The following SHISA9 variants were observed in gnomAD, a reference collection of about 807,000 sequenced individuals.
SHISA9 encodes shisa family member 9, also known as protein shisa-9.
Under a neutral mutation model 38.0 loss-of-function variants are expected in SHISA9, and 13 were observed. The ratio of observed to expected loss-of-function variants is 0.34; its 90% CI spans 0.22 to 0.54. SHISA9 has a LOEUF of 0.54. Ranked by LOEUF, SHISA9 falls within the 20% of genes least tolerant of loss-of-function variation. The pLI is 0.91. For missense variants in SHISA9, 538 were observed against 575.8 expected, an observed-to-expected ratio of 0.93 and a Z score of 0.67; for synonymous variants, 275 against 242.0, an observed-to-expected ratio of 1.14 and a Z score of -1.27.
chr16:13,336,214 C>G, the SHISA9 span, among the ~76,000 whole-genome samples: 16 of 152,252 alleles, frequency 1.1e-4, no homozygotes, highest in African/African-American at 2.9e-4. Flanking sequence ...TTCTCCAATT[C>G]AAAAGTGAAG....
At chr16:12,923,220 A>G (rs1035773164) in intron 2 of SHISA9, among the ~76,000 whole-genome samples, 2 of 152,200 alleles carry the variant, frequency 1.3e-5, no homozygotes, top group African/African-American at 4.8e-5. Flanking sequence ...TGCTTCAAAC[A>G]TACTCCATAT....
At chr16:13,185,761 G>A (rs1266022750) in intron 2 of SHISA9, among the ~76,000 whole-genome samples, 2 of 152,102 alleles carry the variant, frequency 1.3e-5, no homozygotes, top group African/African-American at 2.4e-5. Flanking sequence ...GACACATGGT[G>A]ATTATTTGAT....
intron 2 of SHISA9, among the ~76,000 whole-genome samples, chr16:13,039,496 T>G (rs866406000): frequency 0.033 from 4,933 of 151,436 alleles, 249 homozygotes; most frequent in African/African-American, 0.11. Context: ...TTTTTTTTTT[T>G]TTTTTTTTTG....
intron 2 of SHISA9, among the ~76,000 whole-genome samples, chr16:12,979,379 C>T (rs764256195): frequency 4.4e-4 from 67 of 151,678 alleles, no homozygotes; most frequent in Non-Finnish European, 7.4e-4. Flanking sequence ...TCCCATCGTT[C>T]CATGCAGGAC....
the SHISA9 span, among the ~76,000 whole-genome samples, chr16:13,401,259 A>T: frequency 6.6e-6 from 1 of 152,190 alleles, no homozygotes; most frequent in Non-Finnish European, 1.5e-5. Context: ...ATTTTTACAG[A>T]TGAGAAAGCC....
At chr16:12,953,844 C>A (rs541943987) in intron 2 of SHISA9, among the ~76,000 whole-genome samples, 1 of 152,290 alleles carries the variant, frequency 6.6e-6, no homozygotes, top group South Asian at 2.1e-4. Flanking sequence ...GGGAAACAAG[C>A]AGCTTCTTCA....
Position 13,049,912 on chromosome 16 carries a change from T to G in SHISA9, c.691+133097T>G, listed in dbSNP as rs934110503. ...ACCCCACTCCTGGTACTTTTCCGTT[T>G]GTTTTGTCATTTGCCCCATATTTGT... is the stretch of plus-strand genomic sequence containing the variant. On this transcript the variant is annotated intron_variant, in intron 2 of 4. Coordinates refer to ENST00000558583, the MANE Select transcript of SHISA9 (RefSeq NM_001145204.3). 3.9e-5 allele frequency among the ~76,000 whole-genome samples: 6 copies of G among 152,256 alleles called. No individual in the cohort carries two copies. The South Asian group carries it at 6.2e-4, about 16-fold the overall frequency.
At chr16:13,069,459 A>G (rs1322358743) in intron 2 of SHISA9, among the ~76,000 whole-genome samples, 1 of 140,724 alleles carries the variant, frequency 7.1e-6, no homozygotes, top group Non-Finnish European at 1.5e-5. Context: ...CACACAAAGT[A>G]TGCATGTGTA....
the SHISA9 span, among the ~76,000 whole-genome samples, chr16:13,326,800 G>A: frequency 1.8e-4 from 27 of 152,272 alleles, no homozygotes; most frequent in African/African-American, 6.3e-4. Flanking sequence ...CTGTCCCTAT[G>A]TATTCTGGTG....
At chr16:13,290,056 T>C in the SHISA9 span, among the ~76,000 whole-genome samples, 1 of 152,182 alleles carries the variant, frequency 6.6e-6, no homozygotes, top group Non-Finnish European at 1.5e-5. Context: ...GCCCTGGAGA[T>C]TCAGCATTGA....
At chr16:13,524,919 A>G in the SHISA9 span, among the ~76,000 whole-genome samples, 8 of 152,226 alleles carry the variant, frequency 5.3e-5, no homozygotes, top group Middle Eastern at 3.4e-3. Flanking sequence ...CTAAATGCCC[A>G]TAGCACCCTC....
At chr16:13,270,979 AAGT>A in the SHISA9 span, among the ~76,000 whole-genome samples, 3 of 152,256 alleles carry the variant, frequency 2.0e-5, 1 homozygote, top group South Asian at 6.2e-4. Flanking sequence ...CTGACTTGGG[AAGT>A]AGATCAAGTG....
At chr16:13,482,801 T>TG in the SHISA9 span, among the ~76,000 whole-genome samples, 1 of 112,556 alleles carries the variant, frequency 8.9e-6, no homozygotes, top group Non-Finnish European at 1.8e-5. Flanking sequence ...ATCCTGTCAC[T>TG]AAAAAAAAAA....
chr16:13,385,778 C>G, the SHISA9 span, among the ~76,000 whole-genome samples: 1 of 150,528 alleles, frequency 6.6e-6, no homozygotes, highest in Admixed American at 6.6e-5. Flanking sequence ...AGAAAAGGAA[C>G]AAACTGTGGT....
chr16:13,040,126 A>G (rs374735875), intron 2 of SHISA9, among the ~76,000 whole-genome samples: 391 of 152,354 alleles, frequency 2.6e-3, no homozygotes, highest in African/African-American at 8.6e-3. Flanking sequence ...CACGAGAGCC[A>G]GAATTGTCAT....
At chr16:13,344,710 G>A in the SHISA9 span, among the ~76,000 whole-genome samples, 8 of 152,140 alleles carry the variant, frequency 5.3e-5, no homozygotes, top group Middle Eastern at 3.4e-3. Context: ...TGCTATTATT[G>A]GTCTCATTTT....
chr16:13,529,743 T>C, the SHISA9 span, among the ~76,000 whole-genome samples: 1 of 152,224 alleles, frequency 6.6e-6, no homozygotes, highest in African/African-American at 2.4e-5. Context: ...GGGCATCCTG[T>C]GTTTGCCCAC....
intron 2 of SHISA9, among the ~76,000 whole-genome samples, chr16:12,965,983 C>T (rs774306535): frequency 6.6e-6 from 1 of 152,238 alleles, no homozygotes; most frequent in Non-Finnish European, 1.5e-5. Context: ...GGTTTCCTGA[C>T]CTTGGCTGTA....
chr16:13,386,703 G>T, the SHISA9 span, among the ~76,000 whole-genome samples: 3 of 152,146 alleles, frequency 2.0e-5, no homozygotes, highest in Admixed American at 2.0e-4. Flanking sequence ...TTCTATATCA[G>T]TCTGTTATTT....
Sources: allele counts gnomAD v4.1 joint callset (sites outside exome capture counted in the v4.1 genomes callset), GRCh38; gene constraint gnomAD v4.1.1; transcripts MANE v1.5; gene names NCBI Gene and HGNC (gene_info 2026-07-23, HGNC 2026-07-21).